Variants in ARNT2 observed in about 807,000 individuals in gnomAD.
The protein encoded by ARNT2 is aryl hydrocarbon receptor nuclear translocator 2, also known as ARNT protein 2.
ARNT2 carries 36 observed loss-of-function variants against 91.7 expected under a neutral mutation model. The observed-to-expected ratio is 0.39, with a 90% CI of 0.30 to 0.52. ARNT2 has a LOEUF of 0.52. Among genes scored for constraint, ARNT2 ranks in the 20% least tolerant of loss-of-function variants. The pLI is 0.72. For synonymous variants in ARNT2, 365 were observed against 347.1 expected, an observed-to-expected ratio of 1.05 and a Z score of -0.57; for missense variants, 775 against 939.3, an observed-to-expected ratio of 0.83 and a Z score of 2.29.
intron 8 of ARNT2, among the ~76,000 whole-genome samples, chr15:80,538,071 G>A (rs141002626): frequency 4.9e-4 from 74 of 152,226 alleles, no homozygotes; most frequent in African/African-American, 1.7e-3. Context: ...AATGGAAATG[G>A]AAAGGTATAT....
In ARNT2 at chr15:80,596,960, A is replaced by G. The variant is rs1596031155; in HGVS notation, c.*3262A>G. The G allele has an allele frequency of 5.6e-6, 2 of 355,598 alleles. No individual in the cohort carries two copies. Among genetic ancestry groups the G allele is most frequent in the Non-Finnish European group, 1.1e-5 (2 of 180,048 alleles). The allele number at this position is 355,598 out of a possible 1,614,324, so 22.0% of individuals were successfully genotyped here. On this transcript the variant is annotated 3_prime_UTR_variant, in exon 19 of 19. Coordinates refer to ENST00000303329, the MANE Select transcript of ARNT2 (RefSeq NM_014862.4). ...TTTAGCTTTGGCTTCAGGGAGTGAC[A>G]GCCATCACAAATAGCCACATTCTGC... is the stretch of plus-strand genomic sequence containing the variant.
chr15:80,436,929 T>C (rs532764445), intron 1 of ARNT2, among the ~76,000 whole-genome samples: 1 of 152,266 alleles, frequency 6.6e-6, no homozygotes, highest in South Asian at 2.1e-4. Flanking sequence ...TATTGCCTCC[T>C]CCAGAGCCTT....
chr15:80,425,740 T>A (rs1315986669), intron 1 of ARNT2, among the ~76,000 whole-genome samples: 1 of 152,040 alleles, frequency 6.6e-6, no homozygotes, highest in Non-Finnish European at 1.5e-5. Context: ...TGTTTGTTTG[T>A]TTGTTTTGAA....
intron 14 of ARNT2, 92 bp from the exon 15 acceptor site, chr15:80,576,774 C>T (rs185875632): frequency 2.3e-4 from 315 of 1,367,180 alleles, no homozygotes; most frequent in African/African-American, 1.3e-3. Context: ...CCCGTTCCCA[C>T]GCCCACCCCT....
intron 1 of ARNT2, among the ~76,000 whole-genome samples, chr15:80,408,949 A>G (rs1482134921): frequency 6.6e-6 from 1 of 152,164 alleles, no homozygotes; most frequent in Non-Finnish European, 1.5e-5. Flanking sequence ...TCACAGCAAA[A>G]TTGAAAGGAA....
chr15:80,491,195 C>T (rs555812954), intron 5 of ARNT2, among the ~76,000 whole-genome samples: 2 of 152,120 alleles, frequency 1.3e-5, no homozygotes, highest in African/African-American at 4.8e-5. Context: ...AGTTTTCACG[C>T]TGCTGATAAA....
chr15:80,476,859 G>GTCC (rs1896811123), intron 5 of ARNT2, among the ~76,000 whole-genome samples: 1 of 152,176 alleles, frequency 6.6e-6, no homozygotes, highest in Non-Finnish European at 1.5e-5. Flanking sequence ...TTAGATCTGT[G>GTCC]TCCTCACCCA....
At chr15:80,477,800 G>T (rs758845903) in intron 5 of ARNT2, among the ~76,000 whole-genome samples, 1 of 152,140 alleles carries the variant, frequency 6.6e-6, no homozygotes, top group African/African-American at 2.4e-5. Context: ...TAATTTTAGC[G>T]GGGAACACAA....
At chr15:80,582,304 C>T (rs1007265746) in intron 17 of ARNT2, among the ~76,000 whole-genome samples, 1 of 123,914 alleles carries the variant, frequency 8.1e-6, no homozygotes, top group Non-Finnish European at 1.7e-5. Context: ...CTAGCCTGGG[C>T]AACATTGCAA....
intron 5 of ARNT2, among the ~76,000 whole-genome samples, chr15:80,484,193 AAAC>A (rs1442512754): frequency 6.6e-6 from 1 of 152,170 alleles, no homozygotes; most frequent in African/African-American, 2.4e-5. Flanking sequence ...AAAAAAAAAA[AAAC>A]AACTTGATTT....
intron 8 of ARNT2, among the ~76,000 whole-genome samples, chr15:80,534,562 A>G (rs568059723): frequency 2.6e-5 from 4 of 152,304 alleles, no homozygotes; most frequent in South Asian, 4.1e-4. Flanking sequence ...GAGCTCATGT[A>G]TATTTTACTA....
At chr15:80,579,301 T>A (rs1164716812) in intron 15 of ARNT2, among the ~76,000 whole-genome samples, 1 of 152,182 alleles carries the variant, frequency 6.6e-6, no homozygotes, top group African/African-American at 2.4e-5. Context: ...GGAGCCCTTA[T>A]GTTAAATGAG....
intron 1 of ARNT2, among the ~76,000 whole-genome samples, chr15:80,445,738 G>A (rs569569283): frequency 6.6e-6 from 1 of 152,110 alleles, no homozygotes; most frequent in South Asian, 2.1e-4. Context: ...ACAGGACTCT[G>A]GGTAGAGGGA....
intron 8 of ARNT2, among the ~76,000 whole-genome samples, chr15:80,543,281 A>T (rs776251328): frequency 6.6e-6 from 1 of 152,034 alleles, no homozygotes; most frequent in Admixed American, 6.6e-5. Context: ...GAGCATTCTG[A>T]TACCCATTTT....
At chr15:80,428,523 A>C (rs1403744628) in intron 1 of ARNT2, among the ~76,000 whole-genome samples, 1 of 152,198 alleles carries the variant, frequency 6.6e-6, no homozygotes, top group East Asian at 1.9e-4. Context: ...ACCACTGTCC[A>C]CTGAAATGTG....
chr15:80,549,894 A>C (rs758845145), intron 8 of ARNT2, among the ~76,000 whole-genome samples: 1 of 152,238 alleles, frequency 6.6e-6, no homozygotes, highest in East Asian at 1.9e-4. Flanking sequence ...ACACATATGC[A>C]CAAGGTTATT....
At chr15:80,587,812 AC>A (rs1382055786) in intron 17 of ARNT2, among the ~76,000 whole-genome samples, 1 of 152,240 alleles carries the variant, frequency 6.6e-6, no homozygotes, top group African/African-American at 2.4e-5. Flanking sequence ...CAGAGATGTA[AC>A]TGCATGTGGC....
intron 5 of ARNT2, among the ~76,000 whole-genome samples, chr15:80,498,195 C>T (rs1331954597): frequency 2.0e-5 from 3 of 152,236 alleles, no homozygotes; most frequent in African/African-American, 7.2e-5. Context: ...CTCCCTCCTT[C>T]CTGCCTGGAA....
chr15:80,492,389 C>T (rs929959282), intron 5 of ARNT2, among the ~76,000 whole-genome samples: 1 of 152,136 alleles, frequency 6.6e-6, no homozygotes, highest in Non-Finnish European at 1.5e-5. Flanking sequence ...TAATGTTAGT[C>T]CTCCAACTTT....
Sources: allele counts gnomAD v4.1 joint callset (sites outside exome capture counted in the v4.1 genomes callset), GRCh38; gene constraint gnomAD v4.1.1; transcripts MANE v1.5; gene names NCBI Gene and HGNC (gene_info 2026-07-23, HGNC 2026-07-21).